The following MAP4 variants were observed in gnomAD, a reference collection of about 807,000 sequenced individuals.
The protein encoded by MAP4 is microtubule-associated protein 4.
MAP4 carries 76 observed loss-of-function variants against 170.2 expected under a neutral mutation model. That is an observed-to-expected ratio of 0.45 (90% CI 0.37 to 0.54). The LOEUF (loss-of-function observed/expected upper bound fraction) is 0.54. Among genes scored for constraint, MAP4 ranks in the 20% least tolerant of loss-of-function variants. The pLI is 0.00. For missense variants in MAP4, 2,506 were observed against 2,748.0 expected (o/e 0.91, Z 1.97); for synonymous variants, 909 against 994.5 (o/e 0.91, Z 1.62).
At position 48,002,755 on chromosome 3, in the gene MAP4, C is replaced by T. The variant is rs572043041; in HGVS notation, c.-19-3876G>A. 3.8e-3 allele frequency among the ~76,000 whole-genome samples: 370 copies of T among 97,022 alleles called. 1 individual carries two copies. The highest frequency in any genetic ancestry group is 0.011 in the African/African-American group (352 of 31,966). 63.7% of individuals were successfully genotyped at this position (97,022 alleles called of 152,430 possible). On this transcript the variant is annotated intron_variant, in intron 1 of 20. Coordinates refer to ENST00000683076, the MANE Select transcript of MAP4 (RefSeq NM_001385682.1). Reference sequence around the variant, plus strand: ...AATTAGCTGGGCGTGGTATCACATACTTGTGGTCCCAGTTAGGAGGCTGAG... The same window carrying T: ...AATTAGCTGGGCGTGGTATCACATATTTGTGGTCCCAGTTAGGAGGCTGAG...
rs1470595954 is a variant in MAP4 at position 47,928,492 on chromosome 3, T to C, written c.293-142A>G. Reference sequence around the variant, plus strand: ...TGTCTTACAAGAAAACTTTTTTCTTTTAATTGAAAGATAAAAGGAGCTGGG... The same window carrying C: ...TGTCTTACAAGAAAACTTTTTTCTTCTAATTGAAAGATAAAAGGAGCTGGG... On this transcript the variant is annotated intron_variant, in intron 3 of 20. Coordinates refer to ENST00000683076, the MANE Select transcript of MAP4 (RefSeq NM_001385682.1). 7 of 777,616 alleles carry C rather than the reference T, an allele frequency of 9.0e-6. No homozygotes were observed. The Admixed American group carries it at 2.0e-4, about 22-fold the overall frequency. The allele number at this position is 777,616 out of a possible 1,614,324, so 48.2% of individuals were successfully genotyped here. A position where few individuals can be genotyped will look rare whatever the true frequency, so the allele number is the denominator to read the frequency against.
rs1051139159 is a variant in MAP4 at position 47,932,441 on chromosome 3, A to T, written c.293-4091T>A. On this transcript the variant is annotated intron_variant, in intron 3 of 20. Transcript: ENST00000683076. ...TTTCAATTATCTTTGATATATCCCT[A>T]GGAGTAGAACTGCTGGGTCATAAAG... Among the ~76,000 whole-genome samples, 4 of 152,290 alleles carry T rather than the reference A, an allele frequency of 2.6e-5. No individual in the cohort carries two copies. The East Asian group carries it at 5.8e-4, about 22-fold the overall frequency.
At chr3:47,858,586 GGTGTGTGTGTGT>G (rs59208724) in intron 17 of MAP4, among the ~76,000 whole-genome samples, 15 of 145,180 alleles carry the variant, frequency 1.0e-4, no homozygotes, top group Non-Finnish European at 1.2e-4. Flanking sequence ...GTGAGGGGGT[GGTGTGTGTGTGT>G]GTGTGTGTGT....
chr3:47,920,878 C>T (rs1274334318), intron 5 of MAP4, among the ~76,000 whole-genome samples: 1 of 152,122 alleles, frequency 6.6e-6, no homozygotes, highest in African/African-American at 2.4e-5. Context: ...AAAAATGTGG[C>T]TGGGTGCAAA....
At chr3:47,903,049 T>C (rs2100030961) in intron 9 of MAP4, 49 bp from the exon 10 acceptor site, 1 of 841,152 alleles carries the variant, frequency 1.2e-6, no homozygotes, top group South Asian at 5.4e-5. Flanking sequence ...GGCTTCACTA[T>C]GGCAAAGGGA....
chr3:47,925,667 A>G (rs544352150), intron 4 of MAP4, among the ~76,000 whole-genome samples: 4 of 152,298 alleles, frequency 2.6e-5, no homozygotes, highest in African/African-American at 9.6e-5. Context: ...AAAATGTCCA[A>G]TCTAAGCAAA....
rs866815375 is a variant in MAP4, at chr3:48,086,359, G to A, written c.-20+2414C>T. 3.9e-5 allele frequency among the ~76,000 whole-genome samples: 6 copies of A among 152,140 alleles called. No homozygotes were observed. In the South Asian group the frequency reaches 1.0e-3, roughly 26 times the overall value. ...TAGAATAAAATAAAAATAAATGGCCGGGCATGGTGGCTTGCACCTGTAATC... is the reference window on the plus strand; with the variant it reads ...TAGAATAAAATAAAAATAAATGGCCAGGCATGGTGGCTTGCACCTGTAATC... On this transcript the variant is annotated intron_variant, in intron 1 of 18. Transcript: ENST00000360240.
chr3:47,897,954 A>T (rs1487756393), intron 10 of MAP4, among the ~76,000 whole-genome samples: 1 of 150,942 alleles, frequency 6.6e-6, no homozygotes, highest in Non-Finnish European at 1.5e-5. Flanking sequence ...GGGGGGGAAA[A>T]AAAAAAAAGA....
Position 47,850,932 on chromosome 3 carries a change from G to A in MAP4, c.*2002C>T, listed in dbSNP as rs371257866. ...CTCCTGTTGTCTACCTAGAGAGCAC[G>A]CCACTTGGGCCACCTACCCCCAACC... is the stretch of plus-strand genomic sequence containing the variant. On this transcript the variant is annotated 3_prime_UTR_variant, in exon 21 of 21. Transcript: ENST00000683076. The A allele has an allele frequency of 1.1e-3, 160 of 152,308 alleles. 3 individuals carry two copies. In the South Asian group the frequency reaches 0.026, roughly 25 times the overall value. 9.4% of individuals were successfully genotyped at this position (152,308 alleles called of 1,614,324 possible).
At position 48,052,589 on chromosome 3, in the gene MAP4, A is replaced by C. The variant is rs529846007; in HGVS notation, c.-20+36184T>G. Among the ~76,000 whole-genome samples the C allele has an allele frequency of 1.2e-3, 186 of 152,270 alleles. 2 individuals carry two copies. Among genetic ancestry groups the C allele is most frequent in the African/African-American group, 4.1e-3 (169 of 41,552 alleles). ...CACAACTGTGAAAATACTGAAAACC[A>C]CTGAACTGTACATTTTAAGTGGCTG... On this transcript the variant is annotated intron_variant, in intron 1 of 18. Coordinates refer to the MAP4 transcript ENST00000360240.
chr3:47,869,095 GAGA>G (rs941946368), intron 16 of MAP4, 116 bp downstream of exon 16: 11 of 768,588 alleles, frequency 1.4e-5, no homozygotes, highest in East Asian at 5.0e-5. Context: ...GAATATAGGG[GAGA>G]AGAAGTAGAA....
intron 17 of MAP4, among the ~76,000 whole-genome samples, chr3:47,861,913 G>A (rs1292221414): frequency 1.3e-5 from 2 of 151,768 alleles, no homozygotes; most frequent in East Asian, 3.9e-4. Context: ...TGTAATCCTA[G>A]CACTTTGGGA....
intron 4 of MAP4, 101 bp from the exon 5 acceptor site, chr3:47,921,979 G>A: frequency 1.6e-6 from 1 of 644,842 alleles, no homozygotes; most frequent in Non-Finnish European, 2.8e-6. Flanking sequence ...GTGGAGTCTT[G>A]CTCTGTTGCC....
At chr3:48,049,259 A>T (rs2100126262) in intron 1 of MAP4, among the ~76,000 whole-genome samples, 1 of 152,238 alleles carries the variant, frequency 6.6e-6, no homozygotes, top group African/African-American at 2.4e-5. Context: ...AGTGAACATA[A>T]ATTTTATTTT....
chr3:47,932,413 G>A (rs1042670403), intron 3 of MAP4, among the ~76,000 whole-genome samples: 2 of 152,044 alleles, frequency 1.3e-5, no homozygotes, highest in Admixed American at 6.6e-5. Flanking sequence ...TTGTGGGAAC[G>A]TGTTTCAATT....
At chr3:47,864,533 T>A (rs1042914017) in intron 17 of MAP4, among the ~76,000 whole-genome samples, 4 of 152,072 alleles carry the variant, frequency 2.6e-5, no homozygotes, top group African/African-American at 9.7e-5. Context: ...AAAAATTAGC[T>A]GGGCATTGTG....
intron 3 of MAP4, among the ~76,000 whole-genome samples, chr3:47,970,280 G>A (rs570258227): frequency 6.6e-6 from 1 of 152,164 alleles, no homozygotes; most frequent in South Asian, 2.1e-4. Context: ...GAGGTTGGGA[G>A]TTCGAGACCA....
At chr3:47,928,784 AG>A (rs1474016928) in intron 3 of MAP4, among the ~76,000 whole-genome samples, 3 of 152,122 alleles carry the variant, frequency 2.0e-5, no homozygotes, top group Non-Finnish European at 4.4e-5. Context: ...TGAAAGAACA[AG>A]GATAAAACTG....
intron 3 of MAP4, among the ~76,000 whole-genome samples, chr3:47,954,769 A>T (rs983604288): frequency 7.2e-5 from 11 of 152,198 alleles, no homozygotes; most frequent in African/African-American, 2.2e-4. Context: ...TAATAGATGA[A>T]ATGCTTAGCT....
Sources: allele counts gnomAD v4.1 joint callset (sites outside exome capture counted in the v4.1 genomes callset), GRCh38; gene constraint gnomAD v4.1.1; transcripts MANE v1.5; gene names NCBI Gene and HGNC (gene_info 2026-07-23, HGNC 2026-07-21).